The following DROSHA variants were observed in gnomAD, a reference collection of about 807,000 sequenced individuals.
DROSHA encodes drosha ribonuclease III, also known as ribonuclease 3.
Under a neutral mutation model 181.9 loss-of-function variants are expected in DROSHA, and 56 were observed. The ratio of observed to expected loss-of-function variants is 0.31; its 90% CI spans 0.25 to 0.38. The LOEUF is 0.38. Among genes scored for constraint, DROSHA ranks in the 10% least tolerant of loss-of-function variants. The pLI is 1.00. For synonymous variants in DROSHA, 524 were observed against 591.2 expected, an observed-to-expected ratio of 0.89 and a Z score of 1.65; for missense variants, 1,218 against 1,743.5, an observed-to-expected ratio of 0.70 and a Z score of 5.37.
intron 33 of DROSHA, among the ~76,000 whole-genome samples, chr5:31,407,750 G>A (rs912422425): frequency 2.0e-5 from 3 of 152,146 alleles, no homozygotes; most frequent in South Asian, 4.2e-4. Context: ...CTTTGTGTTC[G>A]TACGCTCCAT....
At chr5:31,415,131 A>G (rs1163715684) in intron 30 of DROSHA, among the ~76,000 whole-genome samples, 2 of 152,238 alleles carry the variant, frequency 1.3e-5, no homozygotes, top group Admixed American at 6.5e-5. Flanking sequence ...AAACATACAT[A>G]TTGACAATCT....
chr5:31,481,624 C>T (rs1284002928), intron 16 of DROSHA, among the ~76,000 whole-genome samples: 2 of 152,166 alleles, frequency 1.3e-5, no homozygotes, highest in African/African-American at 2.4e-5. Context: ...GGAGAAAAGC[C>T]TTTGAATGCA....
Position 31,409,262 on chromosome 5 carries a change from A to C in DROSHA, c.3738T>G (p.Phe1246Leu), listed in dbSNP as rs778381047. Residue 1246 changes from phenylalanine (F) to leucine (L), a missense_variant, in exon 32 of 36, where the codon TTT (phenylalanine) becomes TTG (leucine). Coordinates refer to ENST00000344624, the MANE Select transcript of DROSHA (RefSeq NM_001382508.1). The surrounding 1 kb of genome is among the most constrained non-coding windows in gnomAD (Gnocchi z 4.0). ...YVHTFMNVCF[F>L]PRLKEFILNQ... ...TATATGAGCTTACTTTCAATCGTGGAAAGAAGCAGACATTCATGAAAGTAT... is the reference window on the plus strand; with the variant it reads ...TATATGAGCTTACTTTCAATCGTGGCAAGAAGCAGACATTCATGAAAGTAT... The C allele has an allele frequency of 6.3e-7, 1 of 1,596,462 alleles. No individual in the cohort carries two copies. The highest frequency in any genetic ancestry group is 8.5e-7 in the Non-Finnish European group (1 of 1,170,796).
chr5:31,480,946 A>T (rs541950798), intron 16 of DROSHA, among the ~76,000 whole-genome samples: 17 of 152,216 alleles, frequency 1.1e-4, no homozygotes, highest in Non-Finnish European at 2.4e-4. Flanking sequence ...TATTCTTTTG[A>T]CAAGAAATTT....
chr5:31,403,424 TACAC>T (rs938559666), intron 35 of DROSHA, among the ~76,000 whole-genome samples: 1 of 151,942 alleles, frequency 6.6e-6, no homozygotes, highest in African/African-American at 2.4e-5. Context: ...TACATATATA[TACAC>T]ACACACACAT....
chr5:31,442,813 C>A (rs983260208), intron 23 of DROSHA, among the ~76,000 whole-genome samples: 3 of 151,964 alleles, frequency 2.0e-5, no homozygotes, highest in African/African-American at 7.2e-5. Flanking sequence ...ACTGCATCTG[C>A]CTGGACACTT....
In DROSHA at chr5:31,529,572, A is replaced by G. The variant is rs533662743; in HGVS notation, c.-46-467T>C. Reference sequence around the variant, plus strand: ...AACACAGTGAAATCCTGTCTCTACTAAAAATACAAAAACTTAGCCGGGCGT... The same window carrying G: ...AACACAGTGAAATCCTGTCTCTACTGAAAATACAAAAACTTAGCCGGGCGT... On this transcript the variant is annotated intron_variant, in intron 3 of 35. Transcript: ENST00000344624. Among the ~76,000 whole-genome samples the G allele has an allele frequency of 6.6e-5, 10 of 152,118 alleles. No homozygotes were observed. In the East Asian group the frequency reaches 1.4e-3, roughly 21 times the overall value.
chr5:31,478,185 C>T (rs928475088), intron 16 of DROSHA, among the ~76,000 whole-genome samples: 1 of 152,156 alleles, frequency 6.6e-6, no homozygotes, highest in African/African-American at 2.4e-5. Context: ...TCAGACTTTT[C>T]GCTTATCAGA....
At position 31,406,835 on chromosome 5, in the gene DROSHA, G is replaced by A. The variant is rs757461792; in HGVS notation, c.3947+18C>T. On this transcript the variant is annotated intron_variant, in intron 34 of 35. Coordinates refer to ENST00000344624, the MANE Select transcript of DROSHA (RefSeq NM_001382508.1). Reference sequence around the variant, plus strand: ...AGGATGTTCATTCAAAGCAATTCCAGGTATTCTCTTCTCATACCTTGGTCC... The same window carrying A: ...AGGATGTTCATTCAAAGCAATTCCAAGTATTCTCTTCTCATACCTTGGTCC... 6.2e-6 allele frequency: 10 copies of A among 1,608,478 alleles called. No individual in the cohort carries two copies. The highest frequency in any genetic ancestry group is 4.4e-5 in the South Asian group (4 of 90,598).
chr5:31,454,296 C>A (rs760651647), intron 20 of DROSHA, among the ~76,000 whole-genome samples: 1 of 152,114 alleles, frequency 6.6e-6, no homozygotes. Flanking sequence ...AAGCTCCCTG[C>A]AAGGTAGAAG....
rs1749560383 is a variant in DROSHA, at chr5:31,470,088, T to G, written c.2241+1975A>C. ...ATTTTTTTCCTCCTTTAAGCATATCTTCAGATAAACAGTATAAAAGAATTA... is the reference window on the plus strand; with the variant it reads ...ATTTTTTTCCTCCTTTAAGCATATCGTCAGATAAACAGTATAAAAGAATTA... On this transcript the variant is annotated intron_variant, in intron 17 of 35. Transcript: ENST00000344624. This position sits in a 1 kb window ranked among gnomAD's most constrained non-coding sequence, Gnocchi z 4.0. 6.8e-6 allele frequency among the ~76,000 whole-genome samples: 1 copy of G among 147,186 alleles called. No homozygotes were observed. Among genetic ancestry groups the G allele is most frequent in the Non-Finnish European group, 1.5e-5 (1 of 66,518 alleles).
At chr5:31,484,527 C>T (rs1751519866) in intron 15 of DROSHA, among the ~76,000 whole-genome samples, 1 of 145,036 alleles carries the variant, frequency 6.9e-6, no homozygotes. Flanking sequence ...TAATGACTAA[C>T]CAAAGTTTTG....
chr5:31,467,222 T>C (rs1671811739), intron 18 of DROSHA: 2 of 151,676 alleles, frequency 1.3e-5, no homozygotes, highest in Admixed American at 1.3e-4. Flanking sequence ...TTCTAATATA[T>C]GTCAGCCAGA....
intron 15 of DROSHA, 129 bp from the exon 16 acceptor site, chr5:31,483,757 A>C (rs1580252622): frequency 1.2e-6 from 1 of 843,652 alleles, no homozygotes. Flanking sequence ...CATAAAAATT[A>C]CCACCACCTC....
At chr5:31,464,951 T>C (rs1379908323) in intron 19 of DROSHA, among the ~76,000 whole-genome samples, 1 of 152,158 alleles carries the variant, frequency 6.6e-6, no homozygotes, top group Admixed American at 6.5e-5. Flanking sequence ...GAATTCATAA[T>C]AACAGGAACC....
intron 21 of DROSHA, among the ~76,000 whole-genome samples, chr5:31,449,776 T>C (rs1415719802): frequency 6.6e-6 from 1 of 152,094 alleles, no homozygotes; most frequent in East Asian, 1.9e-4. Context: ...CATCTTTGTA[T>C]CATCCCAAAT....
chr5:31,511,870 T>A (rs997386279), intron 8 of DROSHA, among the ~76,000 whole-genome samples: 1 of 151,926 alleles, frequency 6.6e-6, no homozygotes, highest in Non-Finnish European at 1.5e-5. Context: ...TTCTCCTATA[T>A]CAATCCATCG....
chr5:31,406,446 T>C (rs1247610152), intron 34 of DROSHA, among the ~76,000 whole-genome samples: 1 of 151,882 alleles, frequency 6.6e-6, no homozygotes, highest in South Asian at 2.1e-4. Context: ...ATGGAGATCA[T>C]GCCACTGTAC....
At position 31,400,658 on chromosome 5, in the gene DROSHA, C is replaced by T. The variant is rs562730651; in HGVS notation, c.*774G>A. On this transcript the variant is annotated 3_prime_UTR_variant, in exon 36 of 36. Transcript: ENST00000344624. ...GCTATAAACCCTCCTCCTTCCTGCTCCCCATGCCCTCTCAAATCTCAAACA... is the reference window on the plus strand; with the variant it reads ...GCTATAAACCCTCCTCCTTCCTGCTTCCCATGCCCTCTCAAATCTCAAACA... 2.0e-5 allele frequency: 3 copies of T among 152,262 alleles called. No homozygotes were observed. Among genetic ancestry groups the T allele is most frequent in the Non-Finnish European group, 4.4e-5 (3 of 68,110 alleles). 9.4% of individuals were successfully genotyped at this position (152,262 alleles called of 1,614,324 possible).
Sources: allele counts gnomAD v4.1 joint callset (sites outside exome capture counted in the v4.1 genomes callset), GRCh38; gene constraint gnomAD v4.1.1; non-coding constraint Gnocchi (gnomAD v3.1); transcripts MANE v1.5; gene names NCBI Gene and HGNC (gene_info 2026-07-23, HGNC 2026-07-21).